RHOQ: variants seen among roughly 807,000 people sequenced by gnomAD.
RHOQ encodes the protein ras homolog family member Q.
A neutral mutation model predicts 25.8 loss-of-function variants in RHOQ; 7 were observed. The observed-to-expected ratio is 0.27, with a 90% CI of 0.15 to 0.51. The LOEUF is 0.51. Among genes scored for constraint, RHOQ ranks in the 20% least tolerant of loss-of-function variants. The pLI, the probability that RHOQ is intolerant of heterozygous loss-of-function variation, is 0.97. For missense variants in RHOQ, 165 were observed against 260.6 expected (o/e 0.63, Z 2.53); for synonymous variants, 97 against 98.6 (o/e 0.98, Z 0.10).
At position 46,552,928 on chromosome 2, in the gene RHOQ, A is replaced by T. The variant is rs113514360; in HGVS notation, c.201+9116A>T. 9.2e-5 allele frequency among the ~76,000 whole-genome samples: 14 copies of T among 152,316 alleles called. No individual in the cohort carries two copies. Among genetic ancestry groups the T allele is most frequent in the Non-Finnish European group, 1.8e-4 (12 of 68,024 alleles). ...AGTTAAGTTGAGTAAGGTTGTTTCC[A>T]CGAAAGTTGTTTTTTAGCTGGAGAA... On this transcript the variant is annotated intron_variant, in intron 2 of 4. Coordinates refer to ENST00000238738, the MANE Select transcript of RHOQ (RefSeq NM_012249.4). The surrounding 1 kb of genome is among the most constrained non-coding windows in gnomAD (Gnocchi z 5.0).
At position 46,552,526 on chromosome 2, in the gene RHOQ, C is replaced by T. The variant is rs1435752814; in HGVS notation, c.201+8714C>T. Among the ~76,000 whole-genome samples the T allele has an allele frequency of 6.6e-6, 1 of 152,208 alleles. No homozygotes were observed. Among genetic ancestry groups the T allele is most frequent in the Non-Finnish European group, 1.5e-5 (1 of 68,026 alleles). ...AGCCTACCTCTGCAAAACTGTTTGT[C>T]CCTCCTTCATCTGAATATTCTCTAA... On this transcript the variant is annotated intron_variant, in intron 2 of 4. Transcript: ENST00000238738. The surrounding 1 kb of genome is among the most constrained non-coding windows in gnomAD (Gnocchi z 5.0).
At position 46,584,436 on chromosome 2, in the gene RHOQ, G is replaced by T. The variant is rs1197026619; in HGVS notation, c.*3353G>T. On this transcript the variant is annotated 3_prime_UTR_variant, in exon 5 of 5. Transcript: ENST00000238738. ...GAATCCCAGCTAGATTCCAATTTGG[G>T]TTACTAAATTGTATTTTAATCATTT... Among the ~76,000 whole-genome samples, 14 of 152,074 alleles carry T rather than the reference G, an allele frequency of 9.2e-5. No homozygotes were observed. The highest frequency in any genetic ancestry group is 9.2e-4 in the Admixed American group (14 of 15,266).
chr2:46,577,565 A>AT (rs908178158), intron 4 of RHOQ, among the ~76,000 whole-genome samples: 1,313 of 64,854 alleles, frequency 0.02, 5 homozygotes, highest in South Asian at 0.035. Context: ...ACACCCGGCT[A>AT]TTTTTTTTTT....
At chr2:46,559,035 C>A (rs1668489126) in intron 2 of RHOQ, among the ~76,000 whole-genome samples, 1 of 152,188 alleles carries the variant, frequency 6.6e-6, no homozygotes, top group Non-Finnish European at 1.5e-5. Context: ...CTCACTGCAA[C>A]CTCCACCTCC....
intron 2 of RHOQ, among the ~76,000 whole-genome samples, chr2:46,545,000 C>T (rs1206579058): frequency 2.0e-5 from 3 of 152,200 alleles, no homozygotes. Context: ...GATTCTGAAA[C>T]ATGCCTTATT....
At position 46,583,393 on chromosome 2, in the gene RHOQ, T is replaced by C. The variant is rs1187961171; in HGVS notation, c.*2310T>C. Among the ~76,000 whole-genome samples the C allele has an allele frequency of 2.6e-5, 4 of 152,104 alleles. No homozygotes were observed. Among genetic ancestry groups the C allele is most frequent in the Non-Finnish European group, 5.9e-5 (4 of 67,972 alleles). ...GTAATTTTCTTATTCACAGTAATCA[T>C]TGTTGGATGTTACCTTTTCAGCTTC... On this transcript the variant is annotated 3_prime_UTR_variant, in exon 5 of 5. Coordinates refer to ENST00000238738, the MANE Select transcript of RHOQ (RefSeq NM_012249.4).
At chr2:46,549,464 C>T (rs1038444957) in intron 2 of RHOQ, among the ~76,000 whole-genome samples, 15 of 152,120 alleles carry the variant, frequency 9.9e-5, no homozygotes. Context: ...TGTCCGTTTC[C>T]AGAAAGAGCA....
intron 2 of RHOQ, among the ~76,000 whole-genome samples, chr2:46,547,765 A>C (rs959208506): frequency 6.6e-6 from 1 of 152,078 alleles, no homozygotes; most frequent in Non-Finnish European, 1.5e-5. Context: ...CAGCAACCCC[A>C]TTGTCTGCTC....
Position 46,548,648 on chromosome 2 carries a change from C to T in RHOQ, c.201+4836C>T, listed in dbSNP as rs1668148082. Reference sequence around the variant, plus strand: ...CTTGTAGCCCCGTGTTCCATCCTTGCTCAGCCCGGTGAGCAGAGCCTGGGA... The same window carrying T: ...CTTGTAGCCCCGTGTTCCATCCTTGTTCAGCCCGGTGAGCAGAGCCTGGGA... On this transcript the variant is annotated intron_variant, in intron 2 of 4. Transcript: ENST00000238738. The surrounding 1 kb of genome is among the most constrained non-coding windows in gnomAD (Gnocchi z 5.2). Among the ~76,000 whole-genome samples the T allele has an allele frequency of 6.6e-6, 1 of 152,182 alleles. No individual in the cohort carries two copies. Among genetic ancestry groups the T allele is most frequent in the Admixed American group, 6.5e-5 (1 of 15,284 alleles).
At chr2:46,578,125 T>C (rs1434768243) in intron 4 of RHOQ, among the ~76,000 whole-genome samples, 1 of 152,150 alleles carries the variant, frequency 6.6e-6, no homozygotes, top group African/African-American at 2.4e-5. Flanking sequence ...CAGATTGCCA[T>C]TGAAGATAGG....
At chr2:46,544,410 G>A (rs1667980306) in intron 2 of RHOQ, among the ~76,000 whole-genome samples, 1 of 152,238 alleles carries the variant, frequency 6.6e-6, no homozygotes, top group African/African-American at 2.4e-5. Flanking sequence ...AGGGTTAGGA[G>A]TTTAGAGTGA....
intron 1 of RHOQ, 87 bp from the exon 2 acceptor site, chr2:46,543,667 A>G: frequency 8.3e-7 from 1 of 1,199,852 alleles, no homozygotes; most frequent in East Asian, 2.5e-5. Context: ...CTGGGTTGGG[A>G]GAGGAGGGTC....
intron 2 of RHOQ, among the ~76,000 whole-genome samples, chr2:46,559,558 G>T (rs966900544): frequency 6.6e-6 from 1 of 152,110 alleles, no homozygotes; most frequent in Non-Finnish European, 1.5e-5. Flanking sequence ...TTTGTTGTGG[G>T]GGGGCTGTCT....
chr2:46,573,722 T>G (rs1446149699), intron 2 of RHOQ, among the ~76,000 whole-genome samples: 4 of 152,246 alleles, frequency 2.6e-5, no homozygotes, highest in Admixed American at 2.0e-4. Flanking sequence ...TCTTGTCATC[T>G]CTCACTAGAG....
chr2:46,579,442 G>C (rs1340756072), intron 4 of RHOQ, among the ~76,000 whole-genome samples: 1 of 152,130 alleles, frequency 6.6e-6, no homozygotes, highest in Non-Finnish European at 1.5e-5. Context: ...TCTCAATTTG[G>C]TTATCCAGCT....
At chr2:46,574,755 T>C (rs1436436648) in intron 2 of RHOQ, among the ~76,000 whole-genome samples, 1 of 152,190 alleles carries the variant, frequency 6.6e-6, no homozygotes, top group Non-Finnish European at 1.5e-5. Context: ...TTTGGGACAT[T>C]AACATGCTTT....
At chr2:46,550,738 A>G (rs1668215036) in intron 2 of RHOQ, among the ~76,000 whole-genome samples, 2 of 152,192 alleles carry the variant, frequency 1.3e-5, no homozygotes, top group African/African-American at 4.8e-5. Context: ...AGCTGTAAGG[A>G]TTAGAAATGA....
Position 46,573,112 on chromosome 2 carries a change from G to A in RHOQ, c.202-2975G>A, listed in dbSNP as rs530088194. 2.5e-3 allele frequency among the ~76,000 whole-genome samples: 366 copies of A among 149,266 alleles called. 1 individual carries two copies. Among genetic ancestry groups the A allele is most frequent in the African/African-American group, 8.1e-3 (328 of 40,404 alleles). On this transcript the variant is annotated intron_variant, in intron 2 of 4. Coordinates refer to ENST00000238738, the MANE Select transcript of RHOQ (RefSeq NM_012249.4). ...GGAGTTTAGCTCTGTTGCCCAGGCT[G>A]TAGTGCAGTGGTACAATCTCTGCTC...
chr2:46,584,356 T>C lies in RHOQ; in HGVS notation c.*3273T>C. Among the ~76,000 whole-genome samples the C allele has an allele frequency of 6.6e-6, 1 of 152,178 alleles. No homozygotes were observed. The highest frequency in any genetic ancestry group is 1.5e-5 in the Non-Finnish European group (1 of 68,004). ...ATCATTGGCAAAGTATGAGTCCCTA[T>C]ACTCTGTTAAAAAAAGCTCACTGTT... On this transcript the variant is annotated 3_prime_UTR_variant, in exon 5 of 5. Transcript: ENST00000238738.
Sources: gnomAD v4.1 joint callset for allele counts (sites outside exome capture counted in the v4.1 genomes callset) on GRCh38, gnomAD v4.1.1 for gene constraint, Gnocchi (gnomAD v3.1) non-coding constraint, MANE v1.5 for transcripts, NCBI Gene and HGNC (gene_info 2026-07-23, HGNC 2026-07-21) for gene names.